Variants in SLC14A2 observed in about 807,000 individuals in gnomAD.
SLC14A2 encodes urea transporter 2.
In SLC14A2, 91 loss-of-function variants were observed where a neutral mutation model predicts 104.6. The ratio of observed to expected loss-of-function variants is 0.87; its 90% confidence interval spans 0.73 to 1.04. The LOEUF (loss-of-function observed/expected upper bound fraction) is 1.04. Ranked by LOEUF, SLC14A2 falls within the 50% of genes least tolerant of loss-of-function variation. SLC14A2 has a pLI of 0.00. For missense variants in SLC14A2, 1,189 were observed against 1,156.0 expected, an observed-to-expected ratio of 1.03 and a Z score of -0.41; for synonymous variants, 476 against 466.4, an observed-to-expected ratio of 1.02 and a Z score of -0.27.
At chr18:45,657,952 T>C (rs1202493601) in intron 10 of SLC14A2, among the ~76,000 whole-genome samples, 1 of 152,150 alleles carries the variant, frequency 6.6e-6, no homozygotes, top group Non-Finnish European at 1.5e-5. Context: ...CAAGTCTTAG[T>C]ACAAAGCTCA....
At chr18:45,288,103 T>C (rs970486461) in intron 1 of SLC14A2, among the ~76,000 whole-genome samples, 2 of 152,224 alleles carry the variant, frequency 1.3e-5, no homozygotes, top group African/African-American at 2.4e-5. Context: ...ATAGGGTTTC[T>C]GCAAGCTTAA....
chr18:45,303,910 T>G (rs1020208383), intron 1 of SLC14A2, among the ~76,000 whole-genome samples: 20 of 152,356 alleles, frequency 1.3e-4, no homozygotes, highest in African/African-American at 4.8e-4. Context: ...CTCCAGCATC[T>G]AGCACAGAGT....
At chr18:45,341,078 T>G (rs1378138973) in intron 1 of SLC14A2, among the ~76,000 whole-genome samples, 2 of 152,212 alleles carry the variant, frequency 1.3e-5, no homozygotes, top group South Asian at 4.1e-4. Context: ...AAGGCTTGAA[T>G]CATTTCTTTG....
intron 2 of SLC14A2, among the ~76,000 whole-genome samples, chr18:45,502,106 A>G (rs1382170842): frequency 2.0e-5 from 3 of 152,218 alleles, no homozygotes; most frequent in Non-Finnish European, 2.9e-5. Context: ...AACTTTTCCC[A>G]TAGTGACTTT....
chr18:45,500,060 AATTAT>A (rs1339220377), intron 2 of SLC14A2, among the ~76,000 whole-genome samples: 1 of 152,180 alleles, frequency 6.6e-6, no homozygotes, highest in East Asian at 1.9e-4. Flanking sequence ...TGGATAATAT[AATTAT>A]AAGAAGCCGC....
rs2084478130 is a variant in SLC14A2 at position 45,256,331 on chromosome 18, GA to G, written c.-125+43147del. Among the ~76,000 whole-genome samples the G allele has an allele frequency of 2.0e-5, 3 of 152,046 alleles. No homozygotes were observed. The South Asian group carries it at 6.2e-4, about 32-fold the overall frequency. On this transcript the variant is annotated intron_variant, in intron 1 of 20. Coordinates refer to the SLC14A2 transcript ENST00000586448. ...GGCCAGCCCAAAGCTAAATTGTGGGGAAAAAAATAAGTTGACATCATCTTCA... is the reference window on the plus strand; with the variant it reads ...GGCCAGCCCAAAGCTAAATTGTGGGGAAAAAATAAGTTGACATCATCTTCA...
chr18:45,521,202 G>A (rs1407789400), intron 2 of SLC14A2, among the ~76,000 whole-genome samples: 1 of 152,240 alleles, frequency 6.6e-6, no homozygotes, highest in Non-Finnish European at 1.5e-5. Flanking sequence ...CCAGTTTGAT[G>A]ATGGGCTTTG....
intron 2 of SLC14A2, chr18:45,528,346 T>C (rs1026497520): frequency 1.3e-5 from 2 of 152,114 alleles, no homozygotes; most frequent in African/African-American, 4.8e-5. Context: ...TTCCTGTAGT[T>C]TCAAATCTGA....
chr18:45,496,620 A>G (rs1160986995), intron 2 of SLC14A2, among the ~76,000 whole-genome samples: 2 of 152,136 alleles, frequency 1.3e-5, no homozygotes, highest in South Asian at 2.1e-4. Context: ...ACAAAACCCC[A>G]TCTCTAGCAA....
intron 5 of SLC14A2, among the ~76,000 whole-genome samples, chr18:45,633,816 T>G (rs1050626794): frequency 3.9e-4 from 60 of 152,232 alleles, no homozygotes; most frequent in African/African-American, 1.4e-3. Context: ...TTAGTAGTGC[T>G]TGCAAATAAA....
intron 2 of SLC14A2, among the ~76,000 whole-genome samples, chr18:45,520,281 T>G (rs1023055605): frequency 2.0e-5 from 3 of 152,276 alleles, no homozygotes. Flanking sequence ...CTAACAGGTA[T>G]AAAGCCTCAA....
At chr18:45,392,005 C>G (rs1243843054) in intron 1 of SLC14A2, among the ~76,000 whole-genome samples, 1 of 152,186 alleles carries the variant, frequency 6.6e-6, no homozygotes, top group Non-Finnish European at 1.5e-5. Context: ...CTTGCCCATG[C>G]CTATGTCCAG....
chr18:45,582,477 G>A (rs551790538), intron 2 of SLC14A2, among the ~76,000 whole-genome samples: 2 of 151,152 alleles, frequency 1.3e-5, no homozygotes, highest in Non-Finnish European at 3.0e-5. Context: ...ACTGACAAAA[G>A]CCATATCAAT....
intron 1 of SLC14A2, among the ~76,000 whole-genome samples, chr18:45,415,681 T>A (rs1397135258): frequency 6.6e-6 from 1 of 152,038 alleles, no homozygotes; most frequent in African/African-American, 2.4e-5. Flanking sequence ...ATACCCGAAA[T>A]GAGAAAAGCC....
upstream of SLC14A2, among the ~76,000 whole-genome samples, chr18:45,209,039 A>AAC (rs1555662414): frequency 3.3e-5 from 5 of 150,104 alleles, no homozygotes; most frequent in Middle Eastern, 3.4e-3. Flanking sequence ...AAAAAAAAAA[A>AAC]AACAACAACA....
At chr18:45,207,673 T>C in the SLC14A2 span, among the ~76,000 whole-genome samples, 1 of 152,182 alleles carries the variant, frequency 6.6e-6, no homozygotes, top group Non-Finnish European at 1.5e-5. Flanking sequence ...AAGTTGACTC[T>C]GCCGAATGTA....
intron 1 of SLC14A2, among the ~76,000 whole-genome samples, chr18:45,426,800 A>C (rs1158760088): frequency 6.6e-6 from 1 of 151,782 alleles, no homozygotes; most frequent in African/African-American, 2.4e-5. Flanking sequence ...GAAGCAGAGT[A>C]TTGTCCCAGG....
chr18:45,168,029 T>C, the SLC14A2 span, among the ~76,000 whole-genome samples: 1 of 152,180 alleles, frequency 6.6e-6, no homozygotes, highest in Admixed American at 6.5e-5. Flanking sequence ...CATGGCCAGC[T>C]CGACAGAGAG....
intron 1 of SLC14A2, among the ~76,000 whole-genome samples, chr18:45,451,826 A>G (rs1041956363): frequency 6.6e-6 from 1 of 152,194 alleles, no homozygotes; most frequent in African/African-American, 2.4e-5. Context: ...CAAACTATTC[A>G]AAAGACCAAG....
Sources: gnomAD v4.1 joint callset for allele counts (sites outside exome capture counted in the v4.1 genomes callset) on GRCh38, gnomAD v4.1.1 for gene constraint, MANE v1.5 for transcripts, NCBI Gene and HGNC (gene_info 2026-07-23, HGNC 2026-07-21) for gene names.